The following PPM1H variants were observed in gnomAD, a reference collection of about 807,000 sequenced individuals.
The protein encoded by PPM1H is protein phosphatase 1H.
PPM1H carries 27 observed loss-of-function variants against 54.9 expected under a neutral mutation model. That is an observed-to-expected ratio of 0.49 (90% CI 0.36 to 0.68). The LOEUF is 0.68. PPM1H is among the 30% of genes least tolerant of loss of function. The pLI is 0.00. For missense variants in PPM1H, 596 were observed against 667.8 expected (o/e 0.89, Z 1.19); for synonymous variants, 305 against 270.8 (o/e 1.13, Z -1.24).
At chr12:62,915,813 C>T (rs565083593) in intron 1 of PPM1H, among the ~76,000 whole-genome samples, 1 of 152,316 alleles carries the variant, frequency 6.6e-6, no homozygotes, top group Non-Finnish European at 1.5e-5. Flanking sequence ...GTGGTTCAGG[C>T]TCCACGTGGG....
At chr12:62,683,358 AT>A (rs2076033915) in intron 8 of PPM1H, among the ~76,000 whole-genome samples, 1 of 152,008 alleles carries the variant, frequency 6.6e-6, no homozygotes, top group African/African-American at 2.4e-5. Context: ...TGATGTTCTC[AT>A]TTGCTTTTCC....
At chr12:62,687,476 G>A (rs571772868) in intron 8 of PPM1H, among the ~76,000 whole-genome samples, 2 of 151,788 alleles carry the variant, frequency 1.3e-5, no homozygotes, top group South Asian at 4.2e-4. Flanking sequence ...TGTTGCCCAT[G>A]CTGGTCTCAA....
rs1023235834 is a variant in PPM1H at position 62,646,911 on chromosome 12, T to C, written c.*1578A>G. On this transcript the variant is annotated 3_prime_UTR_variant, in exon 10 of 10. Coordinates refer to ENST00000228705, the MANE Select transcript of PPM1H (RefSeq NM_020700.2). ...TCCTCTGGGAAGAAATTCAAACAAA[T>C]ATGAGAACTGGAATTAGCTCTCTAG... is the stretch of plus-strand genomic sequence containing the variant. 4 of 152,138 alleles carry C rather than the reference T, an allele frequency of 2.6e-5. No homozygotes were observed. The highest frequency in any genetic ancestry group is 9.7e-5 in the African/African-American group (4 of 41,408). 9.4% of individuals were successfully genotyped at this position (152,138 alleles called of 1,614,324 possible).
chr12:62,911,330 T>C (rs1264906077), intron 1 of PPM1H, among the ~76,000 whole-genome samples: 41 of 152,218 alleles, frequency 2.7e-4, no homozygotes, highest in Admixed American at 2.7e-3. Flanking sequence ...AAAGTTCTCC[T>C]TAATGTCCCA....
chr12:62,803,608 G>A (rs2076785786), intron 2 of PPM1H, among the ~76,000 whole-genome samples: 1 of 152,074 alleles, frequency 6.6e-6, no homozygotes, highest in Admixed American at 6.5e-5. Flanking sequence ...AAAAAAACAT[G>A]GGGGAAAAAA....
chr12:62,887,798 TG>T (rs1347207020), intron 1 of PPM1H, among the ~76,000 whole-genome samples: 2 of 152,152 alleles, frequency 1.3e-5, no homozygotes, highest in African/African-American at 2.4e-5. Context: ...AACTCAGACC[TG>T]TAAGACAAGG....
intron 9 of PPM1H, among the ~76,000 whole-genome samples, chr12:62,659,827 G>T (rs1052581376): frequency 6.6e-6 from 1 of 152,108 alleles, no homozygotes; most frequent in African/African-American, 2.4e-5. Context: ...CCTTCTCACC[G>T]GCTTTGTTCC....
At chr12:62,837,821 G>A (rs1565804710) in intron 1 of PPM1H, among the ~76,000 whole-genome samples, 1 of 152,172 alleles carries the variant, frequency 6.6e-6, no homozygotes, top group African/African-American at 2.4e-5. Context: ...CCAGCCATGC[G>A]AGTTAGAGGA....
rs1868871180 is a variant in PPM1H, at chr12:62,844,289, CA to C, written c.246-12011del. On this transcript the variant is annotated intron_variant, in intron 1 of 9. Transcript: ENST00000228705. The surrounding 1 kb of genome is among the most constrained non-coding windows in gnomAD (Gnocchi z 5.2). Reference sequence around the variant, plus strand: ...TGTACAAAGCCAGTATGTAACATTACAGTGATTTGCTTAGTATGGATTACTA... The same window carrying C: ...TGTACAAAGCCAGTATGTAACATTACGTGATTTGCTTAGTATGGATTACTA... 6.6e-6 allele frequency among the ~76,000 whole-genome samples: 1 copy of C among 152,154 alleles called. No individual in the cohort carries two copies. Among genetic ancestry groups the C allele is most frequent in the Non-Finnish European group, 1.5e-5 (1 of 68,030 alleles).
At chr12:62,700,705 T>C (rs2120375768) in intron 6 of PPM1H, among the ~76,000 whole-genome samples, 1 of 152,246 alleles carries the variant, frequency 6.6e-6, no homozygotes, top group South Asian at 2.1e-4. Flanking sequence ...TGTCACCAGG[T>C]GGATGGCAGT....
intron 4 of PPM1H, among the ~76,000 whole-genome samples, chr12:62,737,876 T>C (rs2076359377): frequency 1.3e-5 from 2 of 152,172 alleles, no homozygotes; most frequent in Non-Finnish European, 1.5e-5. Flanking sequence ...AAATGCTCAG[T>C]GAATAAATGG....
chr12:62,651,785 C>G (rs967520868), intron 9 of PPM1H, among the ~76,000 whole-genome samples: 1 of 152,176 alleles, frequency 6.6e-6, no homozygotes, highest in South Asian at 2.1e-4. Context: ...CTAATCTGTC[C>G]TCTTAAAGCT....
At chr12:62,651,534 T>C (rs2075816587) in intron 9 of PPM1H, among the ~76,000 whole-genome samples, 1 of 152,194 alleles carries the variant, frequency 6.6e-6, no homozygotes, top group African/African-American at 2.4e-5. Flanking sequence ...TTAGGTCACC[T>C]AGAAAAGATG....
intron 5 of PPM1H, among the ~76,000 whole-genome samples, chr12:62,732,621 G>A (rs533940210): frequency 2.5e-4 from 38 of 151,086 alleles, no homozygotes; most frequent in Admixed American, 8.5e-4. Context: ...ACCCAGGCTG[G>A]AGTGCAGTGG....
chr12:62,755,858 A>G (rs567952008), intron 4 of PPM1H: 23 of 784,802 alleles, frequency 2.9e-5, no homozygotes, highest in African/African-American at 2.7e-4. Flanking sequence ...CCCTGCCTCT[A>G]CTGGTGCTGC....
chr12:62,690,005 G>A (rs1262692200), intron 7 of PPM1H, among the ~76,000 whole-genome samples, 199 bp from the exon 8 acceptor site: 1 of 152,174 alleles, frequency 6.6e-6, no homozygotes, highest in Admixed American at 6.5e-5. Context: ...TGTATTTGAG[G>A]AGTGCTTTTT....
intron 4 of PPM1H, among the ~76,000 whole-genome samples, chr12:62,775,751 C>G (rs1307718557): frequency 6.6e-6 from 1 of 152,240 alleles, no homozygotes; most frequent in Non-Finnish European, 1.5e-5. Context: ...TGCCTGGGCC[C>G]TGTTTGCACC....
chr12:62,910,831 G>A lies in PPM1H; in HGVS notation c.245+23661C>T, dbSNP rs538486823. Among the ~76,000 whole-genome samples the A allele has an allele frequency of 1.1e-4, 16 of 152,266 alleles. 2 individuals carry two copies. In the South Asian group the frequency reaches 1.9e-3, roughly 18 times the overall value. On this transcript the variant is annotated intron_variant, in intron 1 of 9. Coordinates refer to ENST00000228705, the MANE Select transcript of PPM1H (RefSeq NM_020700.2). ...TGGAGCACCAGCCAGCAAATCTGAG[G>A]TATACAAAGCAGCTGCCCGCAAGGA...
Position 62,689,655 on chromosome 12 carries a change from A to C in PPM1H, c.1245+44T>G. On this transcript the variant is annotated intron_variant, in intron 8 of 9. Coordinates refer to ENST00000228705, the MANE Select transcript of PPM1H (RefSeq NM_020700.2). ...GAGTCACAGGAGGAATAACGCCGAA[A>C]ATGTTTTATTGCACAAAATATAAAC... 2.7e-6 allele frequency: 4 copies of C among 1,506,418 alleles called. 1 individual carries two copies. The highest frequency in any genetic ancestry group is 3.7e-6 in the Non-Finnish European group (4 of 1,091,288). 93.3% of individuals were successfully genotyped at this position (1,506,418 alleles called of 1,614,324 possible).
Sources: allele counts gnomAD v4.1 joint callset (sites outside exome capture counted in the v4.1 genomes callset), GRCh38; gene constraint gnomAD v4.1.1; non-coding constraint Gnocchi (gnomAD v3.1); transcripts MANE v1.5; gene names NCBI Gene and HGNC (gene_info 2026-07-23, HGNC 2026-07-21).